Variants in FBXL4 observed in about 807,000 individuals in gnomAD.
FBXL4 encodes the protein F-box and leucine rich repeat protein 4.
In FBXL4, 40 loss-of-function variants were observed where a neutral mutation model predicts 58.9. The observed-to-expected ratio is 0.68, with a 90% CI of 0.53 to 0.88. The LOEUF (loss-of-function observed/expected upper bound fraction) is 0.88, where lower values mean the gene tolerates loss of function less well. Ranked by LOEUF, FBXL4 falls within the 40% of genes least tolerant of loss-of-function variation. FBXL4 has a pLI of 0.00. For missense variants in FBXL4, 676 were observed against 734.4 expected, an observed-to-expected ratio of 0.92 and a Z score of 0.92; for synonymous variants, 263 against 265.5, an observed-to-expected ratio of 0.99 and a Z score of 0.09.
intron 5 of FBXL4, among the ~76,000 whole-genome samples, chr6:98,911,833 T>A (rs192216529): frequency 9.8e-5 from 15 of 152,354 alleles, no homozygotes; most frequent in African/African-American, 3.6e-4. Flanking sequence ...GGAGAATGAC[T>A]TTGACGACTT....
chr6:98,925,005 T>G (rs1247447005), intron 4 of FBXL4, among the ~76,000 whole-genome samples: 2 of 152,212 alleles, frequency 1.3e-5, no homozygotes, highest in Admixed American at 1.3e-4. Context: ...AGGTAGGCAC[T>G]AAAATATTTA....
At chr6:98,894,770 G>T (rs967547467) in intron 7 of FBXL4, among the ~76,000 whole-genome samples, 2 of 152,080 alleles carry the variant, frequency 1.3e-5, no homozygotes, top group African/African-American at 4.8e-5. Flanking sequence ...AATTTTCTTT[G>T]CTAAATTTAT....
intron 7 of FBXL4, among the ~76,000 whole-genome samples, chr6:98,890,657 G>C (rs1771192563): frequency 6.6e-6 from 1 of 152,144 alleles, no homozygotes; most frequent in Non-Finnish European, 1.5e-5. Context: ...AGTAACTCAT[G>C]CCTGTAATCC....
intron 3 of FBXL4, 44 bp from the exon 4 acceptor site, chr6:98,927,104 G>A (rs777977777): frequency 4.2e-6 from 4 of 947,734 alleles, no homozygotes; most frequent in Non-Finnish European, 6.3e-6. Context: ...ATTTAAATAA[G>A]CAGAAAAATG....
intron 7 of FBXL4, among the ~76,000 whole-genome samples, chr6:98,886,340 C>T (rs1193717204): frequency 6.6e-6 from 1 of 152,084 alleles, no homozygotes; most frequent in Non-Finnish European, 1.5e-5. Flanking sequence ...GTGTATAAAA[C>T]TTACAGCAGT....
chr6:98,876,315 A>T (rs1770660565), intron 8 of FBXL4, among the ~76,000 whole-genome samples: 1 of 152,304 alleles, frequency 6.6e-6, no homozygotes, highest in Admixed American at 6.5e-5. Flanking sequence ...TTACCTCATG[A>T]TTACAGGACA....
intron 1 of FBXL4, among the ~76,000 whole-genome samples, chr6:98,935,720 C>T (rs1299885278): frequency 1.4e-5 from 2 of 146,016 alleles, no homozygotes; most frequent in East Asian, 2.0e-4. Context: ...ACCCGGGAAG[C>T]GGAGCTTGCA....
chr6:98,875,544 A>C lies in FBXL4; in HGVS notation c.1573T>G (p.Phe525Val). ...GGGAGCTGGTGTGCCAGTCTGGTGA[A>C]GCACCCGGTGCTGCTCTGCAGAGTT... ...CPTLQSSTGC[F>V]TRLAHQLPNL... Residue 525 changes from phenylalanine to valine, a missense_variant, in exon 9 of 10, where the codon TTC (phenylalanine) becomes GTC (valine). Physicochemically the swap from Phe to Val is conservative, Grantham distance 50. Transcript: ENST00000369244. The C allele has an allele frequency of 6.2e-7, 1 of 1,614,154 alleles. No homozygotes were observed. Among genetic ancestry groups the C allele is most frequent in the Admixed American group, 1.7e-5 (1 of 60,008 alleles).
chr6:98,902,511 C>G (rs973904457), intron 6 of FBXL4, among the ~76,000 whole-genome samples: 2 of 151,850 alleles, frequency 1.3e-5, no homozygotes, highest in African/African-American at 2.4e-5. Flanking sequence ...GCTCTTTATA[C>G]CATAAAACTT....
intron 1 of FBXL4, among the ~76,000 whole-genome samples, chr6:98,937,611 G>C (rs1773270319): frequency 6.6e-6 from 1 of 152,116 alleles, no homozygotes; most frequent in Non-Finnish European, 1.5e-5. Flanking sequence ...CAGGATACAG[G>C]GTGAAAGTGA....
chr6:98,889,894 A>G (rs1462664330), intron 7 of FBXL4, among the ~76,000 whole-genome samples: 1 of 152,116 alleles, frequency 6.6e-6, no homozygotes, highest in Non-Finnish European at 1.5e-5. Context: ...AAGAAACGTT[A>G]CCCATAAACT....
chr6:98,912,433 C>T (rs1414588092), intron 5 of FBXL4, among the ~76,000 whole-genome samples: 3 of 152,110 alleles, frequency 2.0e-5, no homozygotes, highest in East Asian at 1.9e-4. Context: ...AGAGAAAGGT[C>T]GGGTTACCCA....
chr6:98,937,719 T>C (rs965841626), intron 1 of FBXL4, among the ~76,000 whole-genome samples: 10 of 152,174 alleles, frequency 6.6e-5, no homozygotes, highest in African/African-American at 2.2e-4. Context: ...CTATTTCATT[T>C]CTCCAAAAAT....
At chr6:98,941,522 G>A (rs551952409) in intron 1 of FBXL4, among the ~76,000 whole-genome samples, 84 of 152,224 alleles carry the variant, frequency 5.5e-4, no homozygotes, top group Non-Finnish European at 5.4e-4. Flanking sequence ...CTGTAAATCC[G>A]ATACTCTAGT....
intron 7 of FBXL4, chr6:98,896,909 A>G: frequency 1.0e-6 from 1 of 984,998 alleles, no homozygotes; most frequent in Non-Finnish European, 1.2e-6. Context: ...AAATTTGGTC[A>G]TATCTATCAG....
intron 1 of FBXL4, among the ~76,000 whole-genome samples, chr6:98,941,404 G>A (rs968311943): frequency 1.3e-5 from 2 of 151,566 alleles, no homozygotes; most frequent in South Asian, 4.2e-4. Flanking sequence ...CCAGGGTTAA[G>A]GGAAGAAAGA....
At position 98,899,492 on chromosome 6, in the gene FBXL4, A is replaced by G. The variant is rs1402422157; in HGVS notation, c.1104-11T>C. ...CAAACCTTCAGAAACCTGCCAAAAC[A>G]ACATTCTATGTGAATTTTATAAAAC... On this transcript the variant is annotated splice_polypyrimidine_tract_variant and intron_variant, in intron 6 of 9. Transcript: ENST00000369244. The G allele has an allele frequency of 6.2e-7, 1 of 1,608,870 alleles. No homozygotes were observed. The highest frequency in any genetic ancestry group is 1.3e-5 in the African/African-American group (1 of 74,658).
At chr6:98,880,677 A>C in intron 7 of FBXL4, 53 bp from the exon 8 acceptor site, 1 of 1,476,906 alleles carries the variant, frequency 6.8e-7, no homozygotes, top group Non-Finnish European at 9.5e-7. Flanking sequence ...TGAAAGTGAA[A>C]CAAAGAGAAG....
rs760356648 is a variant in FBXL4, at chr6:98,917,508, C to T, written c.724G>A (p.Asp242Asn). The T allele has an allele frequency of 1.4e-5, 22 of 1,613,938 alleles. 1 individual carries two copies. The Admixed American group carries it at 3.5e-4, about 26-fold the overall frequency. The change falls in exon 5 of 10, where the codon GAC (aspartate) becomes AAC (asparagine). Residue 242 changes from aspartate (D) to asparagine (N), a missense_variant. By Grantham distance (23) the Asp-to-Asn change is conservative (BLOSUM62 1). Transcript: ENST00000369244. ...GCATCATCTTCTATATCATTCATGT[C>T]AATAAGTGAAGTCTTGAGAGAAAGC... The part of the protein sequence containing the change: ...PVLSLKTSLI[D>N]MNDIEDDAYA...
Sources: allele counts gnomAD v4.1 joint callset (sites outside exome capture counted in the v4.1 genomes callset), GRCh38; gene constraint gnomAD v4.1.1; transcripts MANE v1.5; gene names NCBI Gene and HGNC (gene_info 2026-07-23, HGNC 2026-07-21).